Variants in MPP7 observed in about 807,000 individuals in gnomAD.
MPP7 encodes the protein MAGUK p55 scaffold protein 7, also known as MAGUK p55 subfamily member 7.
A neutral mutation model predicts 76.5 loss-of-function variants in MPP7; 60 were observed. The observed-to-expected ratio is 0.78, with a 90% CI of 0.64 to 0.97. MPP7 has a LOEUF of 0.97. Ranked by LOEUF, MPP7 falls within the 50% of genes least tolerant of loss-of-function variation. The pLI, the probability that MPP7 is intolerant of heterozygous loss-of-function variation, is 0.00. For missense variants in MPP7, 641 were observed against 694.0 expected (o/e 0.92, Z 0.86); for synonymous variants, 237 against 244.5 (o/e 0.97, Z 0.29).
intron 1 of MPP7, among the ~76,000 whole-genome samples, chr10:28,240,404 T>C (rs1230531320): frequency 6.6e-6 from 1 of 152,150 alleles, no homozygotes; most frequent in Non-Finnish European, 1.5e-5. Flanking sequence ...ATTGTTAAAG[T>C]GAAAATTCGT....
chr10:28,322,273 G>C (rs1186920070), intron 2 of MPP7, among the ~76,000 whole-genome samples: 1 of 152,042 alleles, frequency 6.6e-6, no homozygotes, highest in Non-Finnish European at 1.5e-5. Flanking sequence ...CCATATAAAA[G>C]CTGGATGTCT....
chr10:28,308,108 G>T (rs1409148643), intron 2 of MPP7, among the ~76,000 whole-genome samples: 3 of 152,214 alleles, frequency 2.0e-5, no homozygotes, highest in African/African-American at 4.8e-5. Context: ...GAAGGGAAAT[G>T]GTCGCTAGGC....
rs148700637 is a variant in MPP7, at chr10:28,095,592, G to A, written c.953-5751C>T. ...CTGTGTCAGAAAAAGGGAGTTAATC[G>A]TTTCTTGCCTTCAGATCTTACTTCT... is the stretch of plus-strand genomic sequence containing the variant. On this transcript the variant is annotated intron_variant, in intron 11 of 16. Coordinates refer to ENST00000683449, the MANE Select transcript of MPP7 (RefSeq NM_001318170.2). Among the ~76,000 whole-genome samples the A allele has an allele frequency of 1.3e-3, 192 of 152,208 alleles. 1 individual carries two copies. The highest frequency in any genetic ancestry group is 2.1e-3 in the Non-Finnish European group (144 of 68,000).
chr10:28,057,714 C>T lies in MPP7; in HGVS notation c.1407+781G>A, dbSNP rs1319057203. ...CACAGTGCCCAAGTCAGGAGGCAGC[C>T]TTCCTGATTCTTGAAACACTTTTAC... On this transcript the variant is annotated intron_variant, in intron 15 of 16. Coordinates refer to ENST00000683449, the MANE Select transcript of MPP7 (RefSeq NM_001318170.2). 4 of 1,283,120 alleles carry T rather than the reference C, an allele frequency of 3.1e-6. No individual in the cohort carries two copies. The African/African-American group carries it at 4.7e-5, about 15-fold the overall frequency. 79.5% of individuals were successfully genotyped at this position (1,283,120 alleles called of 1,614,324 possible). A position where few individuals can be genotyped will look rare whatever the true frequency, so the allele number is the denominator to read the frequency against.
intron 1 of MPP7, among the ~76,000 whole-genome samples, chr10:28,295,718 T>C (rs1274117881): frequency 6.6e-6 from 1 of 152,176 alleles, no homozygotes; most frequent in Non-Finnish European, 1.5e-5. Flanking sequence ...GCAAAAGGGG[T>C]TAACGTTATC....
chr10:28,054,699 TAG>T (rs1851488354), intron 16 of MPP7, among the ~76,000 whole-genome samples: 1 of 152,154 alleles, frequency 6.6e-6, no homozygotes, highest in Admixed American at 6.5e-5. Flanking sequence ...TGTTTTGAGA[TAG>T]AGTCTCACTC....
At chr10:28,217,674 A>C (rs967166718) in intron 2 of MPP7, among the ~76,000 whole-genome samples, 2 of 152,150 alleles carry the variant, frequency 1.3e-5, no homozygotes, top group Non-Finnish European at 2.9e-5. Flanking sequence ...TTATCTTCTG[A>C]ATTACTAAGA....
intron 11 of MPP7, among the ~76,000 whole-genome samples, chr10:28,097,908 A>G (rs1465409014): frequency 1.3e-5 from 2 of 152,196 alleles, no homozygotes; most frequent in Non-Finnish European, 1.5e-5. Flanking sequence ...ACTAGAAAAT[A>G]AAGACTTTTT....
chr10:28,185,279 A>G (rs1352289114), intron 3 of MPP7, among the ~76,000 whole-genome samples: 1 of 151,380 alleles, frequency 6.6e-6, no homozygotes. Context: ...TGATAATAAT[A>G]TAAGTTATTA....
At chr10:28,066,673 C>G (rs961865474) in intron 13 of MPP7, among the ~76,000 whole-genome samples, 2 of 152,188 alleles carry the variant, frequency 1.3e-5, no homozygotes, top group African/African-American at 4.8e-5. Flanking sequence ...CCAGAATCAC[C>G]TCTTGAGTTC....
chr10:28,123,046 G>A lies in MPP7; in HGVS notation c.615+985C>T, dbSNP rs563219942. 4.4e-4 allele frequency among the ~76,000 whole-genome samples: 66 copies of A among 151,464 alleles called. 1 individual carries two copies. Among genetic ancestry groups the A allele is most frequent in the African/African-American group, 1.4e-3 (59 of 41,216 alleles). On this transcript the variant is annotated intron_variant, in intron 8 of 16. Coordinates refer to ENST00000683449, the MANE Select transcript of MPP7 (RefSeq NM_001318170.2). Reference sequence around the variant, plus strand: ...AACAAGGATTGACCTTATTTTTTCTGCGCCATTAACCTGATACCATCTATG... The same window carrying A: ...AACAAGGATTGACCTTATTTTTTCTACGCCATTAACCTGATACCATCTATG...
At chr10:28,255,694 T>C (rs1344793212) in intron 1 of MPP7, among the ~76,000 whole-genome samples, 3 of 152,196 alleles carry the variant, frequency 2.0e-5, no homozygotes, top group East Asian at 1.9e-4. Flanking sequence ...CATGAGCCAC[T>C]GTGCCCAGCC....
At chr10:28,193,624 C>A (rs755712420) in intron 3 of MPP7, among the ~76,000 whole-genome samples, 12 of 151,946 alleles carry the variant, frequency 7.9e-5, no homozygotes, top group Non-Finnish European at 1.5e-4. Context: ...ACCACTAAGA[C>A]AATGAAAAGA....
intron 3 of MPP7, among the ~76,000 whole-genome samples, chr10:28,151,102 A>G (rs897577665): frequency 6.6e-6 from 1 of 152,194 alleles, no homozygotes; most frequent in African/African-American, 2.4e-5. Flanking sequence ...ATTATACTCA[A>G]AGCTAACCAA....
intron 3 of MPP7, among the ~76,000 whole-genome samples, chr10:28,200,890 A>C (rs1033831462): frequency 2.0e-5 from 3 of 152,196 alleles, no homozygotes. Flanking sequence ...TGATGATGAC[A>C]CCTCAAATAT....
intron 2 of MPP7, among the ~76,000 whole-genome samples, chr10:28,233,029 A>G (rs1222023858): frequency 6.6e-6 from 1 of 152,252 alleles, no homozygotes; most frequent in Non-Finnish European, 1.5e-5. Flanking sequence ...GAAAGGAATG[A>G]TTCCATAAGA....
chr10:28,068,611 T>G (rs989065413), intron 13 of MPP7, among the ~76,000 whole-genome samples: 1 of 152,292 alleles, frequency 6.6e-6, no homozygotes, highest in South Asian at 2.1e-4. Context: ...TTCTGTGTAC[T>G]GAAAAGAAGC....
At chr10:28,146,734 A>G (rs1375791058) in intron 5 of MPP7, among the ~76,000 whole-genome samples, 2 of 152,184 alleles carry the variant, frequency 1.3e-5, no homozygotes, top group Non-Finnish European at 2.9e-5. Flanking sequence ...CACAAGCTAA[A>G]TGATCATTTT....
intron 12 of MPP7, among the ~76,000 whole-genome samples, chr10:28,081,119 G>A (rs1852740551): frequency 6.6e-6 from 1 of 152,172 alleles, no homozygotes; most frequent in Non-Finnish European, 1.5e-5. Flanking sequence ...TGATGCTCAA[G>A]CTAAAAATGT....
Sources: gnomAD v4.1 joint callset for allele counts (sites outside exome capture counted in the v4.1 genomes callset) on GRCh38, gnomAD v4.1.1 for gene constraint, MANE v1.5 for transcripts, NCBI Gene and HGNC (gene_info 2026-07-23, HGNC 2026-07-21) for gene names.